SLC4A10: variants seen among roughly 807,000 people sequenced by gnomAD.
The protein encoded by SLC4A10 is sodium-driven chloride bicarbonate exchanger.
SLC4A10 carries 42 observed loss-of-function variants against 137.7 expected under a neutral mutation model. The ratio of observed to expected loss-of-function variants is 0.30; its 90% CI spans 0.24 to 0.39. The LOEUF (loss-of-function observed/expected upper bound fraction) is 0.39, where lower values mean the gene tolerates loss of function less well. Among genes scored for constraint, SLC4A10 ranks in the 10% least tolerant of loss-of-function variants. The probability of loss-of-function intolerance (pLI) is 1.00; values close to 1 mark genes in which losing one functional copy is unlikely to be tolerated. For synonymous variants in SLC4A10, 474 were observed against 464.1 expected (o/e 1.02, Z -0.27); for missense variants, 925 against 1,355.0 (o/e 0.68, Z 4.98).
At chr2:161,851,212 A>T (rs2059812514) in intron 4 of SLC4A10, among the ~76,000 whole-genome samples, 1 of 152,146 alleles carries the variant, frequency 6.6e-6, no homozygotes, top group Non-Finnish European at 1.5e-5. Flanking sequence ...TGTTCTGTAG[A>T]TGTCTGTTAG....
At chr2:161,807,490 A>C (rs2056115602) in intron 3 of SLC4A10, among the ~76,000 whole-genome samples, 1 of 152,084 alleles carries the variant, frequency 6.6e-6, no homozygotes, top group African/African-American at 2.4e-5. Flanking sequence ...TCACTAATTC[A>C]TTTATCTTTC....
At chr2:161,887,566 A>T (rs867607963) in intron 10 of SLC4A10, among the ~76,000 whole-genome samples, 1 of 152,064 alleles carries the variant, frequency 6.6e-6, no homozygotes, top group East Asian at 1.9e-4. Flanking sequence ...ACCAGTGATG[A>T]TGAGCTTTTT....
chr2:161,926,091 A>C (rs553778719), intron 15 of SLC4A10, among the ~76,000 whole-genome samples: 2,291 of 152,020 alleles, frequency 0.015, 48 homozygotes, highest in African/African-American at 0.052. Flanking sequence ...AGCTGAGTTC[A>C]ATTCCTGGGT....
At chr2:161,803,144 T>G (rs575967429) in intron 2 of SLC4A10, among the ~76,000 whole-genome samples, 1 of 152,270 alleles carries the variant, frequency 6.6e-6, no homozygotes, top group Admixed American at 6.6e-5. Context: ...CTTTGTTTGC[T>G]TGTACTTTTG....
chr2:161,870,107 A>G (rs966504007), intron 6 of SLC4A10, among the ~76,000 whole-genome samples: 1 of 151,190 alleles, frequency 6.6e-6, no homozygotes, highest in Non-Finnish European at 1.5e-5. Context: ...TTAGAACAAG[A>G]ATAGCATACA....
chr2:161,770,881 GC>G (rs1559211970), intron 1 of SLC4A10, 91 bp from the exon 2 acceptor site: 1 of 833,654 alleles, frequency 1.2e-6, no homozygotes, highest in Non-Finnish European at 1.9e-6. Flanking sequence ...ACTGAATTAA[GC>G]CTTGAAATAT....
At chr2:161,916,602 C>T (rs1203076517) in intron 15 of SLC4A10, among the ~76,000 whole-genome samples, 1 of 152,232 alleles carries the variant, frequency 6.6e-6, no homozygotes, top group Non-Finnish European at 1.5e-5. Context: ...TAAGGTATGG[C>T]TTCATCTGTT....
intron 2 of SLC4A10, among the ~76,000 whole-genome samples, chr2:161,786,861 C>T (rs766176603): frequency 9.4e-5 from 14 of 148,286 alleles, no homozygotes; most frequent in Non-Finnish European, 2.1e-4. Flanking sequence ...ATACTCATTT[C>T]TGTTCAAAGT....
rs1700471817 is a variant in SLC4A10 at position 161,983,270 on chromosome 2, A to G, written c.*118A>G. ...ACTCGATCTTCAATTTATTTTTTAC[A>G]TATATATGAGAAGAGTGTCACAATT... On this transcript the variant is annotated 3_prime_UTR_variant, in exon 27 of 27. Coordinates refer to ENST00000446997, the MANE Select transcript of SLC4A10 (RefSeq NM_001178015.2). 6.6e-7 allele frequency: 1 copy of G among 1,526,378 alleles called. No homozygotes were observed. The highest frequency in any genetic ancestry group is 1.2e-5 in the South Asian group (1 of 83,500). The allele number at this position is 1,526,378 out of a possible 1,614,324, so 94.6% of individuals were successfully genotyped here. A position where few individuals can be genotyped will look rare whatever the true frequency, so the allele number is the denominator to read the frequency against.
At chr2:161,671,674 C>A (rs892895046) in intron 1 of SLC4A10, among the ~76,000 whole-genome samples, 1 of 152,026 alleles carries the variant, frequency 6.6e-6, no homozygotes, top group African/African-American at 2.4e-5. Context: ...TATGTAACCC[C>A]TAAATCTAAA....
intron 2 of SLC4A10, among the ~76,000 whole-genome samples, chr2:161,791,163 A>G (rs2054163490): frequency 6.6e-6 from 1 of 152,184 alleles, no homozygotes; most frequent in Non-Finnish European, 1.5e-5. Context: ...AGATACATGC[A>G]CGCACGTGTT....
At chr2:161,737,901 T>C (rs934633407) in intron 1 of SLC4A10, among the ~76,000 whole-genome samples, 3 of 152,122 alleles carry the variant, frequency 2.0e-5, no homozygotes, top group Non-Finnish European at 4.4e-5. Flanking sequence ...ACGAAAAACA[T>C]GAATTTCTGA....
intron 1 of SLC4A10, among the ~76,000 whole-genome samples, chr2:161,646,080 A>G (rs2035990075): frequency 6.6e-6 from 1 of 152,046 alleles, no homozygotes; most frequent in African/African-American, 2.4e-5. Context: ...AAATTTATCT[A>G]TTGCACCAAA....
At chr2:161,817,557 T>C (rs1409058080) in intron 3 of SLC4A10, among the ~76,000 whole-genome samples, 2 of 152,206 alleles carry the variant, frequency 1.3e-5, no homozygotes, top group East Asian at 3.9e-4. Context: ...TCCTTGCCCA[T>C]GCCTATGTCC....
chr2:161,688,384 T>C (rs943890409), intron 1 of SLC4A10, among the ~76,000 whole-genome samples: 1 of 152,176 alleles, frequency 6.6e-6, no homozygotes, highest in Non-Finnish European at 1.5e-5. Context: ...GAATAATTAA[T>C]ATTTTTTGGT....
intron 1 of SLC4A10, among the ~76,000 whole-genome samples, chr2:161,656,489 T>C (rs2037548767): frequency 6.6e-6 from 1 of 152,166 alleles, no homozygotes; most frequent in Non-Finnish European, 1.5e-5. Flanking sequence ...TAATTATTTA[T>C]TTTTAAATAA....
At chr2:161,903,305 C>A (rs1037414635) in intron 12 of SLC4A10, among the ~76,000 whole-genome samples, 6 of 152,018 alleles carry the variant, frequency 3.9e-5, no homozygotes, top group African/African-American at 1.4e-4. Context: ...GATATGTTAA[C>A]GCAATAGTGG....
intron 19 of SLC4A10, among the ~76,000 whole-genome samples, chr2:161,956,677 A>AT (rs1412067252): frequency 6.6e-6 from 1 of 152,212 alleles, no homozygotes; most frequent in Non-Finnish European, 1.5e-5. Context: ...AAAAACCGTG[A>AT]TTTCTAAGGA....
intron 1 of SLC4A10, among the ~76,000 whole-genome samples, chr2:161,671,219 A>T (rs540078557): frequency 1.3e-5 from 2 of 151,870 alleles, no homozygotes; most frequent in Admixed American, 1.3e-4. Flanking sequence ...CTCCCTTCCA[A>T]CTCTTCCACC....
Sources: gnomAD v4.1 joint callset for allele counts (sites outside exome capture counted in the v4.1 genomes callset) on GRCh38, gnomAD v4.1.1 for gene constraint, MANE v1.5 for transcripts, NCBI Gene and HGNC (gene_info 2026-07-23, HGNC 2026-07-21) for gene names.